DNA2: variants seen among roughly 807,000 people sequenced by gnomAD.
DNA2 encodes DNA replication helicase/nuclease 2, also known as DNA replication ATP-dependent helicase/nuclease DNA2.
In DNA2, 101 loss-of-function variants were observed where a neutral mutation model predicts 119.1. The observed-to-expected ratio is 0.85, with a 90% CI of 0.72 to 1.00. The LOEUF (loss-of-function observed/expected upper bound fraction) is 1.00, where lower values mean the gene tolerates loss of function less well. Among genes scored for constraint, DNA2 ranks in the 50% least tolerant of loss-of-function variants. The pLI is 0.00. For synonymous variants in DNA2, 366 were observed against 424.4 expected (o/e 0.86, Z 1.69); for missense variants, 1,121 against 1,255.5 (o/e 0.89, Z 1.62).
chr10:68,416,100 T>C (rs1330048559), intron 20 of DNA2, among the ~76,000 whole-genome samples: 4 of 151,942 alleles, frequency 2.6e-5, no homozygotes, highest in African/African-American at 9.7e-5. Flanking sequence ...ACTATTTGAG[T>C]CCAGGTCAAG....
intron 4 of DNA2, among the ~76,000 whole-genome samples, chr10:68,463,031 C>T (rs927445805): frequency 4.0e-5 from 6 of 151,822 alleles, no homozygotes; most frequent in Non-Finnish European, 8.8e-5. Context: ...AAAGAGAAGG[C>T]TGAGGCAGGA....
At chr10:68,439,031 CA>C (rs35393675) in intron 9 of DNA2, among the ~76,000 whole-genome samples, 8,729 of 80,494 alleles carry the variant, frequency 0.11, 303 homozygotes, top group African/African-American at 0.17. Flanking sequence ...AGAATCTGTC[CA>C]AAAAAAAAAA....
In DNA2 at chr10:68,468,176, TG is replaced by T; in HGVS notation, c.387del (p.Ser129ArgfsTer2). 1 of 1,611,520 alleles carries T rather than the reference TG, an allele frequency of 6.2e-7. No homozygotes were observed. Among genetic ancestry groups the T allele is most frequent in the Non-Finnish European group, 8.5e-7 (1 of 1,179,078 alleles). On this transcript the variant is annotated frameshift_variant, in exon 3 of 21. Transcript: ENST00000358410. LOFTEE classifies it high-confidence loss of function. ...LYPDMLISGT[S>X]IASSIRCMRR... ...CTCATACATCGAATACTACTGGCTA[TG>T]CTGGTGCCAGAAATCAGCATGTCTG...
chr10:68,463,527 G>A (rs917379827), intron 4 of DNA2, among the ~76,000 whole-genome samples: 2 of 150,296 alleles, frequency 1.3e-5, no homozygotes, highest in East Asian at 2.0e-4. Context: ...TATTCCAGGC[G>A]TGGTGGCAGG....
intron 9 of DNA2, among the ~76,000 whole-genome samples, chr10:68,440,665 A>T (rs10998170): frequency 0.057 from 8,705 of 152,222 alleles, 395 homozygotes; most frequent in East Asian, 0.25. Context: ...TAAAAAAATG[A>T]AAGCAATTAA....
At chr10:68,431,430 G>A (rs1045166198) in intron 13 of DNA2, among the ~76,000 whole-genome samples, 3 of 151,944 alleles carry the variant, frequency 2.0e-5, no homozygotes, top group East Asian at 1.9e-4. Flanking sequence ...GATTATAGGC[G>A]CATGCCACTA....
At chr10:68,418,920 G>T in intron 19 of DNA2, 114 bp downstream of exon 19, 1 of 856,238 alleles carries the variant, frequency 1.2e-6, no homozygotes, top group South Asian at 1.9e-5. Flanking sequence ...TGATCCACCC[G>T]CCTTGGCCTC....
chr10:68,421,225 T>G (rs2051661079), intron 17 of DNA2, among the ~76,000 whole-genome samples: 1 of 151,826 alleles, frequency 6.6e-6, no homozygotes, highest in South Asian at 2.1e-4. Flanking sequence ...AGTGAGCCAC[T>G]GTGCCCGGGT....
At position 68,432,305 on chromosome 10, in the gene DNA2, G is replaced by A. The variant is rs780946555; in HGVS notation, c.1774C>T (p.Arg592Ter). The change falls in exon 12 of 21, where the codon CGA becomes TGA. Residue 592 changes from arginine (R) to a stop codon, truncating the protein, a stop_gained. Transcript: ENST00000358410. LOFTEE classifies it high-confidence loss of function. ...MENTFVSKKLRDLIIDFREPQ... is the reference protein window; with the variant it reads ...MENTFVSKKL ...TCACGAAAGTCAATAATTAAATCTCGAAGTTTTTTGCTGAAAAGTGAAAAA... is the reference window on the plus strand; with the variant it reads ...TCACGAAAGTCAATAATTAAATCTCAAAGTTTTTTGCTGAAAAGTGAAAAA... The A allele has an allele frequency of 2.4e-5, 39 of 1,598,592 alleles. No homozygotes were observed. The highest frequency in any genetic ancestry group is 3.1e-5 in the Non-Finnish European group (36 of 1,174,924).
chr10:68,418,946 T>TAC lies in DNA2; in HGVS notation c.2967+86_2967+87dup, dbSNP rs1447494051. 2.4e-6 allele frequency: 3 copies of TAC among 1,254,226 alleles called. No individual in the cohort carries two copies. The East Asian group carries it at 7.8e-5, about 32-fold the overall frequency. 77.7% of individuals were successfully genotyped at this position (1,254,226 alleles called of 1,614,324 possible). On this transcript the variant is annotated intron_variant, in intron 19 of 20. Transcript: ENST00000358410. ...CCTTGGCCTCCCAGGGGGCTGGGATTACAGGTGTGAGCCACCGCGCCCGGC... is the reference window on the plus strand; with the variant it reads ...CCTTGGCCTCCCAGGGGGCTGGGATTACACAGGTGTGAGCCACCGCGCCCGGC...
chr10:68,471,966 G>A lies in DNA2; in HGVS notation c.-102C>T, dbSNP rs1016416750. Reference sequence around the variant, plus strand: ...AAAAAGGCGCGAGCCTGCGCACCTCGCGCGCATGCGCCAACCCGCAGATGT... The same window carrying A: ...AAAAAGGCGCGAGCCTGCGCACCTCACGCGCATGCGCCAACCCGCAGATGT... On this transcript the variant is annotated 5_prime_UTR_variant, in exon 1 of 21. Transcript: ENST00000358410. 9 of 1,612,158 alleles carry A rather than the reference G, an allele frequency of 5.6e-6. No individual in the cohort carries two copies. Among genetic ancestry groups the A allele is most frequent in the African/African-American group, 2.7e-5 (2 of 74,904 alleles).
intron 4 of DNA2, among the ~76,000 whole-genome samples, chr10:68,463,390 G>A (rs1176787464): frequency 6.8e-6 from 1 of 147,610 alleles, no homozygotes; most frequent in East Asian, 2.0e-4. Context: ...CTTGCAGTGA[G>A]CCGAGATTGT....
intron 6 of DNA2, among the ~76,000 whole-genome samples, chr10:68,448,971 G>A (rs112421271): frequency 6.9e-6 from 1 of 144,560 alleles, no homozygotes; most frequent in East Asian, 2.0e-4. Context: ...GTGTGTGCGT[G>A]TGTGTGTGTG....
intron 5 of DNA2, among the ~76,000 whole-genome samples, chr10:68,450,755 A>T (rs760046671): frequency 4.6e-5 from 7 of 152,214 alleles, no homozygotes; most frequent in Non-Finnish European, 1.0e-4. Context: ...ATTAGTATGT[A>T]ATGGCTTGCA....
At chr10:68,448,966 TGC>T (rs1554907482) in intron 6 of DNA2, among the ~76,000 whole-genome samples, 3,205 of 131,000 alleles carry the variant, frequency 0.024, 176 homozygotes, top group African/African-American at 0.086. Flanking sequence ...TGTGTGTGTG[TGC>T]GTGTGTGTGT....
At chr10:68,432,873 C>A (rs2051840913) in intron 10 of DNA2, among the ~76,000 whole-genome samples, 1 of 152,160 alleles carries the variant, frequency 6.6e-6, no homozygotes, top group African/African-American at 2.4e-5. Flanking sequence ...GCCACCTTCT[C>A]CCTGTCTTCT....
chr10:68,468,452 A>AC, intron 2 of DNA2, 146 bp from the exon 3 acceptor site: 1 of 538,650 alleles, frequency 1.9e-6, no homozygotes, highest in Non-Finnish European at 3.0e-6. Flanking sequence ...AAAAAAAAAA[A>AC]TCAAATAGCA....
intron 4 of DNA2, 34 bp from the exon 5 acceptor site, chr10:68,459,269 T>A (rs2052225622): frequency 3.3e-6 from 5 of 1,496,174 alleles, no homozygotes; most frequent in Non-Finnish European, 4.4e-6. Flanking sequence ...AGACTTAGAC[T>A]TAAGCGGTAC....
chr10:68,428,572 A>G (rs897245704), intron 14 of DNA2, among the ~76,000 whole-genome samples: 2 of 152,244 alleles, frequency 1.3e-5, no homozygotes, highest in Admixed American at 1.3e-4. Context: ...GAAACAATCC[A>G]GATTTTCAGA....
Sources: allele counts gnomAD v4.1 joint callset (sites outside exome capture counted in the v4.1 genomes callset), GRCh38; gene constraint gnomAD v4.1.1; transcripts MANE v1.5; gene names NCBI Gene and HGNC (gene_info 2026-07-23, HGNC 2026-07-21).